Variants in ASXL3 observed in about 807,000 individuals in gnomAD.
The protein encoded by ASXL3 is ASXL transcriptional regulator 3, also known as putative Polycomb group protein ASXL3.
In ASXL3, 34 loss-of-function variants were observed where a neutral mutation model predicts 170.6. The observed-to-expected ratio is 0.20, with a 90% CI of 0.15 to 0.27. ASXL3 has a LOEUF of 0.27. Ranked by LOEUF, ASXL3 falls within the 10% of genes least tolerant of loss-of-function variation. ASXL3 has a pLI of 1.00. For synonymous variants in ASXL3, 1,002 were observed against 989.1 expected (o/e 1.01, Z -0.24); for missense variants, 2,592 against 2,695.3 (o/e 0.96, Z 0.85).
At chr18:33,674,918 A>G (rs1599478602) in intron 7 of ASXL3, among the ~76,000 whole-genome samples, 1 of 152,154 alleles carries the variant, frequency 6.6e-6, no homozygotes, top group Non-Finnish European at 1.5e-5. Context: ...GCACCCAGCC[A>G]CCCATGTCTT....
At chr18:33,712,033 T>C (rs2067074787) in intron 8 of ASXL3, among the ~76,000 whole-genome samples, 1 of 152,168 alleles carries the variant, frequency 6.6e-6, no homozygotes, top group Admixed American at 6.6e-5. Context: ...ATTTTAGGTG[T>C]TATTTGTTTA....
At chr18:33,607,822 G>C (rs144573318) in intron 2 of ASXL3, 146 bp downstream of exon 2, 2 of 680,996 alleles carry the variant, frequency 2.9e-6, no homozygotes, top group Non-Finnish European at 5.0e-6. Flanking sequence ...GAAATCGTTG[G>C]ATGATTTAAG....
At chr18:33,631,961 A>G (rs2065683100) in intron 2 of ASXL3, among the ~76,000 whole-genome samples, 1 of 152,158 alleles carries the variant, frequency 6.6e-6, no homozygotes, top group Non-Finnish European at 1.5e-5. Context: ...TTAAAATGGA[A>G]AGAATTAGGC....
rs752243255 is a variant in ASXL3, at chr18:33,746,576, C to A, written c.6728C>A (p.Ala2243Glu). The A allele has an allele frequency of 3.8e-6, 6 of 1,590,766 alleles. No homozygotes were observed. In the South Asian group the frequency reaches 6.7e-5, roughly 18 times the overall value. The change falls in exon 12 of 12, where the codon GCA becomes GAA. Residue 2243 changes from alanine to glutamate, a missense_variant. By Grantham distance (107) the Ala-to-Glu change is moderately radical. Transcript: ENST00000269197. ...DCIGPSKLCV[A>E]CLVVR ...ATAGGTCCTTCAAAACTTTGTGTAG[C>A]ATGCCTGGTTGTACGATAAGAGCTG...
intron 1 of ASXL3, among the ~76,000 whole-genome samples, chr18:33,595,057 G>A (rs2065113326): frequency 6.6e-6 from 1 of 151,958 alleles, no homozygotes; most frequent in Non-Finnish European, 1.5e-5. Context: ...GAAAGCCTGT[G>A]GTCTAAACTC....
chr18:33,742,945 C>T lies in ASXL3; in HGVS notation c.3097C>T (p.Pro1033Ser). 3 of 1,613,646 alleles carry T rather than the reference C, an allele frequency of 1.9e-6. No individual in the cohort carries two copies. The highest frequency in any genetic ancestry group is 1.7e-6 in the Non-Finnish European group (2 of 1,179,792). ...AATCAAGAGCCAACCAGTCTCCAAA[C>T]CTGAGTCTCGAGCATCCACTAGCAC... ...FIIKSQPVSK[P>S]ESRASTSTSV... Residue 1033 changes from proline to serine, a missense_variant, in exon 12 of 12, where the codon CCT (proline) becomes TCT (serine). This residue lies in a region of ASXL3 where 2,246 missense variants were observed against 2,219.6 expected (regional missense o/e 1.01). Transcript: ENST00000269197.
At chr18:33,599,043 TAA>T (rs926925754) in intron 1 of ASXL3, among the ~76,000 whole-genome samples, 1 of 152,122 alleles carries the variant, frequency 6.6e-6, no homozygotes, top group African/African-American at 2.4e-5. Context: ...AACTGCATTT[TAA>T]AAAAGAGAAG....
At chr18:33,619,082 A>G (rs2065470882) in intron 2 of ASXL3, among the ~76,000 whole-genome samples, 2 of 152,312 alleles carry the variant, frequency 1.3e-5, no homozygotes, top group Admixed American at 1.3e-4. Flanking sequence ...AAAAGATTTG[A>G]GATGGGTAGA....
At position 33,721,389 on chromosome 18, in the gene ASXL3, CAT is replaced by C. The variant is rs554260751; in HGVS notation, c.880-10570_880-10569del. 6.6e-5 allele frequency among the ~76,000 whole-genome samples: 10 copies of C among 151,874 alleles called. No homozygotes were observed. In the East Asian group the frequency reaches 1.4e-3, roughly 21 times the overall value. On this transcript the variant is annotated intron_variant, in intron 8 of 11. Coordinates refer to ENST00000269197, the MANE Select transcript of ASXL3 (RefSeq NM_030632.3). ...AAAAAGAAAAAATTATATGTACACA[CAT>C]ATATATATGTATGTATGTATATAGA...
chr18:33,584,297 G>A (rs2065017457), intron 1 of ASXL3, among the ~76,000 whole-genome samples: 1 of 152,102 alleles, frequency 6.6e-6, no homozygotes, highest in African/African-American at 2.4e-5. Flanking sequence ...AATTGAAAAT[G>A]TAATTGCGAT....
chr18:33,680,688 A>C (rs1337284377), intron 7 of ASXL3, among the ~76,000 whole-genome samples: 1 of 152,010 alleles, frequency 6.6e-6, no homozygotes, highest in Non-Finnish European at 1.5e-5. Context: ...TTCCTTATAC[A>C]CTTAAGGAAT....
chr18:33,691,185 A>G (rs79745773), intron 8 of ASXL3, among the ~76,000 whole-genome samples: 5 of 152,192 alleles, frequency 3.3e-5, no homozygotes, highest in South Asian at 4.1e-4. Flanking sequence ...CCTCCCTGCA[A>G]TGACAGCACA....
chr18:33,716,779 T>C (rs1219742662), intron 8 of ASXL3, among the ~76,000 whole-genome samples: 1 of 152,112 alleles, frequency 6.6e-6, no homozygotes, highest in Non-Finnish European at 1.5e-5. Context: ...ATTTCTTTCT[T>C]CAATGAACTG....
At chr18:33,672,073 G>C (rs1343672310) in intron 7 of ASXL3, among the ~76,000 whole-genome samples, 2 of 152,154 alleles carry the variant, frequency 1.3e-5, no homozygotes, top group Non-Finnish European at 2.9e-5. Flanking sequence ...ATTTGTGAAT[G>C]ATAATATTGG....
At position 33,745,560 on chromosome 18, in the gene ASXL3, T is replaced by C. The variant is rs1378213803; in HGVS notation, c.5712T>C (p.Cys1904=). ...AGCAAAAGCGGCTGCTCCCCTCGTG[T>C]AGCTTCCAGCAGAACCTATTTCATG... ...VKQQKRLLPS[C]SFQQNLFHVD... Residue 1904 remains cysteine, a synonymous_variant, in exon 12 of 12, where the codon TGT becomes TGC. Coordinates refer to ENST00000269197, the MANE Select transcript of ASXL3 (RefSeq NM_030632.3). 2 of 1,613,992 alleles carry C rather than the reference T, an allele frequency of 1.2e-6. No homozygotes were observed. The highest frequency in any genetic ancestry group is 1.7e-5 in the Admixed American group (1 of 60,018).
chr18:33,620,516 T>A (rs1001382036), intron 2 of ASXL3, among the ~76,000 whole-genome samples: 5 of 152,152 alleles, frequency 3.3e-5, no homozygotes, highest in African/African-American at 9.7e-5. Context: ...ATTGCCAAAG[T>A]TTTTACGGCT....
At chr18:33,705,567 A>G (rs1326651176) in intron 8 of ASXL3, among the ~76,000 whole-genome samples, 1 of 151,878 alleles carries the variant, frequency 6.6e-6, no homozygotes, top group Non-Finnish European at 1.5e-5. Context: ...GCAGAAAAAT[A>G]TAAGACCCAC....
chr18:33,736,353 T>G (rs1208338371), intron 10 of ASXL3, among the ~76,000 whole-genome samples: 2 of 152,230 alleles, frequency 1.3e-5, no homozygotes, highest in Middle Eastern at 3.4e-3. Context: ...CCCTTTTTTT[T>G]GCTGTAGTTT....
At chr18:33,653,399 C>A (rs964442923) in intron 4 of ASXL3, among the ~76,000 whole-genome samples, 5 of 152,114 alleles carry the variant, frequency 3.3e-5, no homozygotes, top group Admixed American at 1.3e-4. Flanking sequence ...AACAGCTCTG[C>A]ATTTTAGGCA....
Sources: allele counts gnomAD v4.1 joint callset (sites outside exome capture counted in the v4.1 genomes callset), GRCh38; gene constraint gnomAD v4.1.1; regional missense constraint gnomAD v4.1.1; transcripts MANE v1.5; gene names NCBI Gene and HGNC (gene_info 2026-07-23, HGNC 2026-07-21).